GSG1L: variants seen among roughly 807,000 people sequenced by gnomAD.
The protein encoded by GSG1L is GSG1 like, also known as germ cell-specific gene 1-like protein.
Under a neutral mutation model 42.1 loss-of-function variants are expected in GSG1L, and 24 were observed. The ratio of observed to expected loss-of-function variants is 0.57; its 90% confidence interval spans 0.41 to 0.80. GSG1L has a LOEUF of 0.80. Ranked by LOEUF, GSG1L falls within the 30% of genes least tolerant of loss-of-function variation. The pLI, the probability that GSG1L is intolerant of heterozygous loss-of-function variation, is 0.00. For missense variants in GSG1L, 445 were observed against 472.2 expected, an observed-to-expected ratio of 0.94 and a Z score of 0.53; for synonymous variants, 215 against 203.5, an observed-to-expected ratio of 1.06 and a Z score of -0.48.
chr16:27,870,023 C>T (rs1303112068), intron 3 of GSG1L, among the ~76,000 whole-genome samples: 1 of 148,934 alleles, frequency 6.7e-6, no homozygotes, highest in Non-Finnish European at 1.5e-5. Context: ...CTCTGTCTCC[C>T]TCCATCTCTC....
At chr16:27,902,144 C>A (rs1043798884) in intron 2 of GSG1L, among the ~76,000 whole-genome samples, 3 of 152,228 alleles carry the variant, frequency 2.0e-5, no homozygotes, top group Non-Finnish European at 4.4e-5. Context: ...CTGTCCAGCA[C>A]CCGCTCCGGG....
chr16:28,019,066 G>C (rs1465760340), intron 1 of GSG1L, among the ~76,000 whole-genome samples: 2 of 152,164 alleles, frequency 1.3e-5, no homozygotes, highest in Non-Finnish European at 2.9e-5. Flanking sequence ...CCCTGTGTCA[G>C]AGGCGTTTGA....
intron 5 of GSG1L, among the ~76,000 whole-genome samples, chr16:27,810,009 CAT>C (rs1302326852): frequency 7.2e-5 from 11 of 152,220 alleles, no homozygotes; most frequent in Admixed American, 6.5e-5. Flanking sequence ...GAGAGATACT[CAT>C]ATATTGATAA....
intron 1 of GSG1L, among the ~76,000 whole-genome samples, chr16:28,047,108 A>G (rs1567568789): frequency 6.6e-6 from 1 of 152,194 alleles, no homozygotes; most frequent in Non-Finnish European, 1.5e-5. Context: ...CAGCACCCAT[A>G]TGAATAAAAA....
chr16:27,969,635 G>C (rs2085170933), intron 1 of GSG1L, among the ~76,000 whole-genome samples: 1 of 152,100 alleles, frequency 6.6e-6, no homozygotes, highest in Admixed American at 6.5e-5. Context: ...ATAGATACTT[G>C]AATTTGTTTC....
chr16:27,874,693 G>A (rs2083865825), intron 3 of GSG1L, among the ~76,000 whole-genome samples: 1 of 152,054 alleles, frequency 6.6e-6, no homozygotes. Flanking sequence ...AGACAGCATG[G>A]GAGCTCTGCA....
intron 2 of GSG1L, among the ~76,000 whole-genome samples, chr16:27,929,793 T>A (rs750391181): frequency 6.6e-6 from 1 of 152,126 alleles, no homozygotes; most frequent in South Asian, 2.1e-4. Flanking sequence ...TAGATTCCAC[T>A]CCACATACCC....
intron 2 of GSG1L, among the ~76,000 whole-genome samples, chr16:27,947,515 G>A (rs1402144709): frequency 3.6e-5 from 5 of 137,636 alleles, no homozygotes; most frequent in East Asian, 2.2e-4. Flanking sequence ...AAGAAGGAAA[G>A]AAAGAAAAAG....
intron 3 of GSG1L, among the ~76,000 whole-genome samples, chr16:27,883,449 T>C (rs1035315507): frequency 2.0e-5 from 3 of 152,150 alleles, no homozygotes; most frequent in African/African-American, 7.2e-5. Context: ...ATCCTGGGGA[T>C]GACAGATTGG....
At chr16:27,795,167 C>T (rs1414262433) in intron 6 of GSG1L, among the ~76,000 whole-genome samples, 2 of 148,866 alleles carry the variant, frequency 1.3e-5, no homozygotes. Flanking sequence ...AGAGCAAGTC[C>T]CAAACTGACT....
chr16:27,997,139 C>A (rs1192669814), intron 1 of GSG1L, among the ~76,000 whole-genome samples: 1 of 152,046 alleles, frequency 6.6e-6, no homozygotes, highest in African/African-American at 2.4e-5. Context: ...CCAGCCACAT[C>A]CCCTAGAGGA....
At position 28,063,507 on chromosome 16, in the gene GSG1L, C is replaced by G. The variant is rs2086370894; in HGVS notation, c.-83G>C. Reference sequence around the variant, plus strand: ...GCAGCTGGCGCCCCGCGTCAGCGGCCGCTGCCCGCCGCGCCCCGGGGCTCG... The same window carrying G: ...GCAGCTGGCGCCCCGCGTCAGCGGCGGCTGCCCGCCGCGCCCCGGGGCTCG... On this transcript the variant is annotated 5_prime_UTR_variant, in exon 1 of 7. Coordinates refer to ENST00000447459, the MANE Select transcript of GSG1L (RefSeq NM_001109763.2). The surrounding 1 kb of genome is among the most constrained non-coding windows in gnomAD (Gnocchi z 5.8). 4.6e-6 allele frequency: 4 copies of G among 871,268 alleles called. No homozygotes were observed. The African/African-American group carries it at 7.3e-5, about 16-fold the overall frequency. The allele number at this position is 871,268 out of a possible 1,614,324, so 54.0% of individuals were successfully genotyped here.
chr16:28,049,026 G>A (rs58100133), intron 1 of GSG1L, among the ~76,000 whole-genome samples: 7 of 152,162 alleles, frequency 4.6e-5, no homozygotes, highest in East Asian at 1.9e-4. Context: ...CTGAGGATGC[G>A]CAGTCTCAGT....
At chr16:27,860,735 C>A (rs1232851476) in intron 3 of GSG1L, among the ~76,000 whole-genome samples, 1 of 152,208 alleles carries the variant, frequency 6.6e-6, no homozygotes, top group African/African-American at 2.4e-5. Flanking sequence ...CAGGGAGGGG[C>A]TGGGAGTCCA....
chr16:27,958,422 A>AAAG (rs2085030696), intron 2 of GSG1L, among the ~76,000 whole-genome samples: 2 of 151,184 alleles, frequency 1.3e-5, no homozygotes, highest in Admixed American at 6.6e-5. Context: ...AAAAAAAAAA[A>AAAG]AAAAAGAAAA....
At chr16:27,991,226 T>C (rs2085452376) in intron 1 of GSG1L, among the ~76,000 whole-genome samples, 1 of 152,240 alleles carries the variant, frequency 6.6e-6, no homozygotes. Flanking sequence ...GACTGAATGC[T>C]GAATTATTTC....
intron 1 of GSG1L, among the ~76,000 whole-genome samples, chr16:28,028,736 G>C (rs2085925914): frequency 6.6e-6 from 1 of 152,134 alleles, no homozygotes; most frequent in Non-Finnish European, 1.5e-5. Context: ...TTTGAACAAA[G>C]AGAGAGCCAG....
At chr16:27,996,542 A>G (rs1041941439) in intron 1 of GSG1L, among the ~76,000 whole-genome samples, 2 of 151,004 alleles carry the variant, frequency 1.3e-5, no homozygotes, top group African/African-American at 5.0e-5. Context: ...ATTAATTAAT[A>G]TTCACACAGA....
chr16:27,836,017 G>A (rs1372308394), intron 4 of GSG1L, among the ~76,000 whole-genome samples: 2 of 152,054 alleles, frequency 1.3e-5, no homozygotes, highest in Admixed American at 6.5e-5. Flanking sequence ...CTTTCTTTTA[G>A]GGTAGGTCTG....
Sources: allele counts gnomAD v4.1 joint callset (sites outside exome capture counted in the v4.1 genomes callset), GRCh38; gene constraint gnomAD v4.1.1; non-coding constraint Gnocchi (gnomAD v3.1); transcripts MANE v1.5; gene names NCBI Gene and HGNC (gene_info 2026-07-23, HGNC 2026-07-21).